Variants in EPHB2 observed in about 807,000 individuals in gnomAD.
The protein encoded by EPHB2 is EPH receptor B2.
Under a neutral mutation model 96.4 loss-of-function variants are expected in EPHB2, and 18 were observed. The observed-to-expected ratio is 0.19, with a 90% CI of 0.13 to 0.28. EPHB2 has a LOEUF of 0.28. Ranked by LOEUF, EPHB2 falls within the 10% of genes least tolerant of loss-of-function variation. The pLI is 1.00. For missense variants in EPHB2, 989 were observed against 1,355.4 expected (o/e 0.73, Z 4.25); for synonymous variants, 506 against 534.1 (o/e 0.95, Z 0.72).
At chr1:22,838,963 GA>G (rs1209128739) in intron 3 of EPHB2, among the ~76,000 whole-genome samples, 1 of 151,740 alleles carries the variant, frequency 6.6e-6, no homozygotes, top group Non-Finnish European at 1.5e-5. Flanking sequence ...AAGAAAAAAA[GA>G]AAAAAAGAAA....
chr1:22,869,710 G>T (rs1638595829), intron 5 of EPHB2, among the ~76,000 whole-genome samples: 1 of 152,166 alleles, frequency 6.6e-6, no homozygotes, highest in South Asian at 2.1e-4. Flanking sequence ...TGTTCCCTCT[G>T]CCTGGAAAGG....
chr1:22,718,379 CTTTTTTT>C (rs5773014), intron 1 of EPHB2, among the ~76,000 whole-genome samples: 1 of 81,466 alleles, frequency 1.2e-5, no homozygotes, highest in South Asian at 4.9e-4. Context: ...GCTGTCAATT[CTTTTTTT>C]TTTTTTTTTT....
chr1:22,828,251 G>A (rs1219946672), intron 3 of EPHB2, among the ~76,000 whole-genome samples: 1 of 152,158 alleles, frequency 6.6e-6, no homozygotes, highest in African/African-American at 2.4e-5. Flanking sequence ...GGACTGCAGT[G>A]TGGGGTTCAT....
chr1:22,756,594 C>T (rs895245874), intron 1 of EPHB2, among the ~76,000 whole-genome samples: 16 of 152,124 alleles, frequency 1.1e-4, no homozygotes, highest in African/African-American at 2.9e-4. Flanking sequence ...GCGGGGGCAG[C>T]GGGCGTGTGA....
At position 22,860,271 on chromosome 1, in the gene EPHB2, G is replaced by A. The variant is rs111509506; in HGVS notation, c.812-2766G>A. 3.9e-3 allele frequency among the ~76,000 whole-genome samples: 587 copies of A among 152,216 alleles called. 2 individuals are homozygous for A. The highest frequency in any genetic ancestry group is 0.024 in the Middle Eastern group (7 of 294). ...AAAGAGCTTTCTAGATGCTGGCAGC[G>A]GGGGGAGCGGCCAAGACCAGACCAG... is the stretch of plus-strand genomic sequence containing the variant. On this transcript the variant is annotated intron_variant, in intron 3 of 15. Coordinates refer to ENST00000374630, the MANE Select transcript of EPHB2 (RefSeq NM_017449.5). This position sits in a 1 kb window ranked among gnomAD's most constrained non-coding sequence, Gnocchi z 4.6.
At chr1:22,837,920 C>T (rs1039640136) in intron 3 of EPHB2, among the ~76,000 whole-genome samples, 1 of 152,210 alleles carries the variant, frequency 6.6e-6, no homozygotes, top group African/African-American at 2.4e-5. Flanking sequence ...CCCTCCCTTT[C>T]TAGGCCTCCC....
intron 9 of EPHB2, among the ~76,000 whole-genome samples, chr1:22,905,700 A>C (rs543037890): frequency 3.9e-5 from 6 of 152,298 alleles, no homozygotes; most frequent in Non-Finnish European, 8.8e-5. Flanking sequence ...ATCAGTCCTG[A>C]CAGTCTCAGC....
In EPHB2 at chr1:22,915,960, C is replaced by CTGTGCTGTGA. The variant is rs1640255486; in HGVS notation, c.*2390_*2391insTGTGCTGTGA. The CTGTGCTGTGA allele has an allele frequency of 6.6e-6, 1 of 152,390 alleles. No individual in the cohort carries two copies. Among genetic ancestry groups the CTGTGCTGTGA allele is most frequent in the South Asian group, 2.1e-4 (1 of 4,840 alleles). The allele number at this position is 152,390 out of a possible 1,614,324, so 9.4% of individuals were successfully genotyped here. On this transcript the variant is annotated 3_prime_UTR_variant, in exon 16 of 16. Coordinates refer to ENST00000374630, the MANE Select transcript of EPHB2 (RefSeq NM_017449.5). ...GAACATCCAGCACAGCACAGCCCATCGTCTGTCACTCACCTGTTCCGGGAG... is the reference window on the plus strand; with the variant it reads ...GAACATCCAGCACAGCACAGCCCATCTGTGCTGTGAGTCTGTCACTCACCTGTTCCGGGAG...
In EPHB2 at chr1:22,913,877, G is replaced by C. The variant is rs1363893738; in HGVS notation, c.*307G>C. On this transcript the variant is annotated 3_prime_UTR_variant, in exon 16 of 16. Coordinates refer to ENST00000374630, the MANE Select transcript of EPHB2 (RefSeq NM_017449.5). The surrounding 1 kb of genome is among the most constrained non-coding windows in gnomAD (Gnocchi z 4.1). ...CTGTTCTTGCGGGGGATAAAAAAGG[G>C]CTTGGGAGATTCATGCGATGTGTCC... is the stretch of plus-strand genomic sequence containing the variant. 5 of 1,588,210 alleles carry C rather than the reference G, an allele frequency of 3.1e-6. No individual in the cohort carries two copies. The highest frequency in any genetic ancestry group is 4.3e-6 in the Non-Finnish European group (5 of 1,169,286).
chr1:22,812,027 A>C (rs1335466623), intron 3 of EPHB2, among the ~76,000 whole-genome samples: 2 of 152,224 alleles, frequency 1.3e-5, no homozygotes, highest in Non-Finnish European at 2.9e-5. Flanking sequence ...CAACAGAGCA[A>C]GAGCTTGTCT....
At position 22,920,920 on chromosome 1, in the gene EPHB2, A is replaced by G. The variant is rs1230078290; in HGVS notation, c.*7350A>G. On this transcript the variant is annotated 3_prime_UTR_variant, in exon 16 of 16. Transcript: ENST00000374630. ...TATTACTCCCATTCCACAGACTAGC[A>G]AACTCAGAGACGTGACATGGTGGCT... 1.3e-5 allele frequency: 2 copies of G among 152,186 alleles called. No homozygotes were observed. Among genetic ancestry groups the G allele is most frequent in the African/African-American group, 4.8e-5 (2 of 41,426 alleles). The allele number at this position is 152,186 out of a possible 1,614,324, so 9.4% of individuals were successfully genotyped here.
chr1:22,805,737 A>T (rs998843951), intron 3 of EPHB2, among the ~76,000 whole-genome samples: 4 of 152,152 alleles, frequency 2.6e-5, no homozygotes, highest in Non-Finnish European at 4.4e-5. Flanking sequence ...TGTATGAGAG[A>T]GAGAGAGAGA....
At chr1:22,813,892 T>G (rs1645036548) in intron 3 of EPHB2, among the ~76,000 whole-genome samples, 1 of 152,166 alleles carries the variant, frequency 6.6e-6, no homozygotes. Flanking sequence ...GATAGTCACA[T>G]GGCTGGGCAC....
chr1:22,765,324 A>T (rs1402724850), intron 1 of EPHB2, among the ~76,000 whole-genome samples: 1 of 152,096 alleles, frequency 6.6e-6, no homozygotes, highest in East Asian at 1.9e-4. Context: ...AGACGGAAGG[A>T]TCACTTGAGG....
At chr1:22,834,948 A>G (rs940450367) in intron 3 of EPHB2, among the ~76,000 whole-genome samples, 1 of 151,954 alleles carries the variant, frequency 6.6e-6, no homozygotes, top group Non-Finnish European at 1.5e-5. Flanking sequence ...AATAAAAAAT[A>G]AAAAAAAGGC....
At chr1:22,898,525 A>G (rs934189373) in intron 9 of EPHB2, among the ~76,000 whole-genome samples, 2 of 152,242 alleles carry the variant, frequency 1.3e-5, no homozygotes, top group Admixed American at 1.3e-4. Flanking sequence ...TCCAACGTGC[A>G]GATGCTCATC....
rs193202171 is a variant in EPHB2 at position 22,888,262 on chromosome 1, C to T, written c.1429-4622C>T. 1.4e-3 allele frequency among the ~76,000 whole-genome samples: 215 copies of T among 152,166 alleles called. 1 individual carries two copies. Among genetic ancestry groups the T allele is most frequent in the African/African-American group, 4.8e-3 (200 of 41,500 alleles). ...TTCACCATGTTGGTCAGGCTGTTCT[C>T]GAACTCCTGACCTCAGGTGATCCAG... On this transcript the variant is annotated intron_variant, in intron 6 of 15. Coordinates refer to ENST00000374630, the MANE Select transcript of EPHB2 (RefSeq NM_017449.5).
chr1:22,727,802 A>C (rs1165012351), intron 1 of EPHB2, among the ~76,000 whole-genome samples: 8 of 150,942 alleles, frequency 5.3e-5, no homozygotes, highest in Non-Finnish European at 8.9e-5. Context: ...AAAACAAAAA[A>C]AAAAAAAACT....
intron 5 of EPHB2, among the ~76,000 whole-genome samples, chr1:22,868,729 GC>G (rs1330582663): frequency 2.0e-5 from 3 of 152,160 alleles, no homozygotes; most frequent in Non-Finnish European, 4.4e-5. Context: ...AGTATACTCT[GC>G]CCACAGTGAG....
Sources: allele counts gnomAD v4.1 joint callset (sites outside exome capture counted in the v4.1 genomes callset), GRCh38; gene constraint gnomAD v4.1.1; non-coding constraint Gnocchi (gnomAD v3.1); transcripts MANE v1.5; gene names NCBI Gene and HGNC (gene_info 2026-07-23, HGNC 2026-07-21).